The following APMAP variants were observed in gnomAD, a reference collection of about 807,000 sequenced individuals.
The protein encoded by APMAP is adipocyte plasma membrane-associated protein.
Under a neutral mutation model 43.6 loss-of-function variants are expected in APMAP, and 33 were observed. The observed-to-expected ratio is 0.76, with a 90% CI of 0.57 to 1.01. APMAP has a LOEUF of 1.01. APMAP is among the 50% of genes least tolerant of loss of function. The pLI, the probability that APMAP is intolerant of heterozygous loss-of-function variation, is 0.00. For missense variants in APMAP, 498 were observed against 540.7 expected, an observed-to-expected ratio of 0.92 and a Z score of 0.78; for synonymous variants, 224 against 216.7, an observed-to-expected ratio of 1.03 and a Z score of -0.30.
At chr20:24,975,790 T>C (rs947606617) in intron 3 of APMAP, among the ~76,000 whole-genome samples, 1 of 152,182 alleles carries the variant, frequency 6.6e-6, no homozygotes, top group African/African-American at 2.4e-5. Flanking sequence ...AAAGCTACAG[T>C]AATCAAGACA....
chr20:24,964,139 G>T, intron 8 of APMAP, 117 bp from the exon 9 acceptor site: 1 of 1,080,990 alleles, frequency 9.3e-7, no homozygotes, highest in South Asian at 1.4e-5. Context: ...TGACAGGGCA[G>T]CCCCACAGGG....
chr20:24,972,643 C>A (rs2088015636), intron 4 of APMAP, among the ~76,000 whole-genome samples: 1 of 150,156 alleles, frequency 6.7e-6, no homozygotes. Context: ...GCAGGGTGCT[C>A]ACTACAGGTG....
chr20:24,980,151 A>C (rs1471088180), intron 2 of APMAP, among the ~76,000 whole-genome samples: 1 of 152,190 alleles, frequency 6.6e-6, no homozygotes, highest in Non-Finnish European at 1.5e-5. Flanking sequence ...TATTCCCAGC[A>C]TCTGGCACCC....
rs112236022 is a variant in APMAP at position 24,985,205 on chromosome 20, G to A, written c.96-1186C>T. On this transcript the variant is annotated intron_variant, in intron 1 of 8. Transcript: ENST00000217456. Reference sequence around the variant, plus strand: ...CCAGTGTGAAACGGGGTGTTGGGCAGGGTAACTTCCTGAACATGCATGATC... The same window carrying A: ...CCAGTGTGAAACGGGGTGTTGGGCAAGGTAACTTCCTGAACATGCATGATC... Among the ~76,000 whole-genome samples the A allele has an allele frequency of 3.7e-3, 568 of 152,282 alleles. 6 individuals are homozygous for A. The highest frequency in any genetic ancestry group is 0.013 in the African/African-American group (551 of 41,538).
At chr20:24,982,128 CA>C (rs1181219771) in intron 2 of APMAP, among the ~76,000 whole-genome samples, 1 of 151,696 alleles carries the variant, frequency 6.6e-6, no homozygotes, top group African/African-American at 2.4e-5. Flanking sequence ...AAGCTGAGCC[CA>C]GGAGAGAGGT....
intron 1 of APMAP, among the ~76,000 whole-genome samples, chr20:24,986,714 T>A (rs1436282569): frequency 6.6e-6 from 1 of 152,150 alleles, no homozygotes; most frequent in African/African-American, 2.4e-5. Context: ...TGGAACCAGG[T>A]ATCTCTCTCC....
chr20:24,986,906 C>T (rs1408481980), intron 1 of APMAP, among the ~76,000 whole-genome samples: 1 of 152,172 alleles, frequency 6.6e-6, no homozygotes, highest in Admixed American at 6.5e-5. Context: ...GCCCTCAGAG[C>T]GGGAGTTTGA....
intron 1 of APMAP, among the ~76,000 whole-genome samples, chr20:24,988,740 T>C (rs2088168106): frequency 6.6e-6 from 1 of 152,238 alleles, no homozygotes. Context: ...CCAGTCAGAC[T>C]TCACCAACAC....
intron 3 of APMAP, 131 bp downstream of exon 3, chr20:24,978,636 T>C (rs975622651): frequency 2.9e-6 from 2 of 695,206 alleles, no homozygotes; most frequent in Non-Finnish European, 4.9e-6. Context: ...AAGTCCCACG[T>C]CCGCAGCTAA....
intron 7 of APMAP, 62 bp downstream of exon 7, chr20:24,969,464 C>T: frequency 6.5e-7 from 1 of 1,545,144 alleles, no homozygotes; most frequent in Admixed American, 1.9e-5. Flanking sequence ...TCCATGCCCA[C>T]CCCACCCCGG....
chr20:24,979,346 T>C (rs2088080483), intron 2 of APMAP, among the ~76,000 whole-genome samples: 1 of 152,204 alleles, frequency 6.6e-6, no homozygotes, highest in African/African-American at 2.4e-5. Flanking sequence ...TTCCTGGGAC[T>C]GGAGCCACCG....
chr20:24,970,179 C>T lies in APMAP; in HGVS notation c.713+18G>A. On this transcript the variant is annotated intron_variant, in intron 6 of 8. Coordinates refer to ENST00000217456, the MANE Select transcript of APMAP (RefSeq NM_020531.3). Reference sequence around the variant, plus strand: ...GCTGGTGAACTCAACAAATGGGAGACCTGGAGCAAGGCCTCACCGCCCGTC... The same window carrying T: ...GCTGGTGAACTCAACAAATGGGAGATCTGGAGCAAGGCCTCACCGCCCGTC... 6.2e-7 allele frequency: 1 copy of T among 1,613,622 alleles called. No homozygotes were observed.
intron 4 of APMAP, among the ~76,000 whole-genome samples, chr20:24,972,703 G>C (rs1265520571): frequency 1.3e-5 from 2 of 149,334 alleles, no homozygotes; most frequent in South Asian, 4.3e-4. Flanking sequence ...ACCACTGCAG[G>C]TGTTCACTAT....
At chr20:24,983,488 C>A (rs979952758) in intron 2 of APMAP, among the ~76,000 whole-genome samples, 1 of 152,112 alleles carries the variant, frequency 6.6e-6, no homozygotes, top group African/African-American at 2.4e-5. Flanking sequence ...ACTCATAGAT[C>A]TCTATCGGTG....
chr20:24,977,737 CTG>C (rs1374685077), intron 3 of APMAP, among the ~76,000 whole-genome samples: 1 of 152,240 alleles, frequency 6.6e-6, no homozygotes, highest in Admixed American at 6.5e-5. Context: ...ACTTCAACTG[CTG>C]TTAAGTTTCA....
intron 8 of APMAP, among the ~76,000 whole-genome samples, chr20:24,968,160 C>T (rs537648965): frequency 6.6e-6 from 1 of 152,326 alleles, no homozygotes; most frequent in South Asian, 2.1e-4. Flanking sequence ...AGCAAGTGAC[C>T]CCTCCACAGT....
chr20:24,988,662 C>T (rs1167176649), intron 1 of APMAP, among the ~76,000 whole-genome samples: 1 of 152,156 alleles, frequency 6.6e-6, no homozygotes, highest in Non-Finnish European at 1.5e-5. Flanking sequence ...CAGGGTGGGC[C>T]TGCGAACTCT....
intron 7 of APMAP, 90 bp downstream of exon 7, chr20:24,969,435 GA>G: frequency 1.3e-6 from 2 of 1,506,408 alleles, no homozygotes; most frequent in Non-Finnish European, 1.8e-6. Context: ...TGCTGCCTCT[GA>G]TTTCTGTCGA....
intron 5 of APMAP, 76 bp from the exon 6 acceptor site, chr20:24,970,447 A>G: frequency 7.3e-7 from 1 of 1,366,914 alleles, no homozygotes; most frequent in Non-Finnish European, 9.9e-7. Context: ...TAACCAACCT[A>G]ACTGATTTAA....
Sources: gnomAD v4.1 joint callset for allele counts (sites outside exome capture counted in the v4.1 genomes callset) on GRCh38, gnomAD v4.1.1 for gene constraint, MANE v1.5 for transcripts, NCBI Gene and HGNC (gene_info 2026-07-23, HGNC 2026-07-21) for gene names.